The following MEP1B variants were observed in gnomAD, a reference collection of about 807,000 sequenced individuals.
MEP1B encodes the protein N-benzoyl-L-tyrosyl-P-amino-benzoic acid hydrolase subunit beta.
MEP1B carries 80 observed loss-of-function variants against 84.6 expected under a neutral mutation model. The observed-to-expected ratio is 0.95, with a 90% CI of 0.79 to 1.14. MEP1B has a LOEUF of 1.14. Among genes scored for constraint, MEP1B ranks in the 50% most tolerant of loss-of-function variants. The pLI is 0.00. For synonymous variants in MEP1B, 273 were observed against 288.1 expected (o/e 0.95, Z 0.53); for missense variants, 766 against 855.1 (o/e 0.90, Z 1.30).
chr18:32,207,979 T>C, intron 8 of MEP1B, 140 bp from the exon 9 acceptor site: 1 of 804,564 alleles, frequency 1.2e-6, no homozygotes, highest in Non-Finnish European at 2.0e-6. Flanking sequence ...AGAGGGATCT[T>C]TAAGCCACCA....
At chr18:32,193,314 TG>T (rs778370331) in intron 4 of MEP1B, among the ~76,000 whole-genome samples, 9 of 152,206 alleles carry the variant, frequency 5.9e-5, no homozygotes, top group Non-Finnish European at 1.3e-4. Context: ...TAAGTCATCA[TG>T]CCACACAGAT....
Position 32,196,409 on chromosome 18 carries a change from C to A in MEP1B, c.250+924C>A. On this transcript the variant is annotated intron_variant, in intron 5 of 14. Coordinates refer to ENST00000269202, the MANE Select transcript of MEP1B (RefSeq NM_005925.3). The surrounding 1 kb of genome is among the most constrained non-coding windows in gnomAD (Gnocchi z 4.4). ...GAGCTCTCCTTGGTCTTCTCCTGGT[C>A]CTCGCCCAGCTGGGTCTTACAGAGG... is the stretch of plus-strand genomic sequence containing the variant. 1.4e-6 allele frequency: 1 copy of A among 696,618 alleles called. No homozygotes were observed. 43.2% of individuals were successfully genotyped at this position (696,618 alleles called of 1,614,324 possible). A position where few individuals can be genotyped will look rare whatever the true frequency, so the allele number is the denominator to read the frequency against.
chr18:32,195,032 G>A (rs375462982), intron 4 of MEP1B, among the ~76,000 whole-genome samples: 4 of 152,256 alleles, frequency 2.6e-5, no homozygotes, highest in African/African-American at 7.2e-5. Context: ...GCTCATGTGT[G>A]ACTTTTTCTG....
chr18:32,190,213 T>G, intron 1 of MEP1B, 80 bp downstream of exon 1: 1 of 1,032,044 alleles, frequency 9.7e-7, no homozygotes, highest in South Asian at 1.5e-5. Flanking sequence ...GTGTTTTTTT[T>G]TTGTTTGTTT....
chr18:32,210,496 A>G lies in MEP1B; in HGVS notation c.920-5A>G, dbSNP rs866564359. The G allele has an allele frequency of 1.2e-6, 2 of 1,612,284 alleles. No individual in the cohort carries two copies. On this transcript the variant is annotated splice_polypyrimidine_tract_variant and splice_region_variant and intron_variant, in intron 9 of 14. Transcript: ENST00000269202. Reference sequence around the variant, plus strand: ...TTTTCTCTCAATTCTGCTTTTCTTTAACAGGTTCTGGTTTCTTCATGCATT... The same window carrying G: ...TTTTCTCTCAATTCTGCTTTTCTTTGACAGGTTCTGGTTTCTTCATGCATT...
At chr18:32,214,111 A>G (rs2041058870) in intron 11 of MEP1B, among the ~76,000 whole-genome samples, 1 of 152,160 alleles carries the variant, frequency 6.6e-6, no homozygotes, top group East Asian at 1.9e-4. Flanking sequence ...AGCGTTTGAA[A>G]TGGGGGTAGT....
chr18:32,199,901 C>A (rs932529428), intron 5 of MEP1B, among the ~76,000 whole-genome samples: 2 of 152,132 alleles, frequency 1.3e-5, no homozygotes, highest in Non-Finnish European at 2.9e-5. Context: ...CTCGGCCTCC[C>A]GAAGTGTTGG....
intron 12 of MEP1B, among the ~76,000 whole-genome samples, chr18:32,215,907 T>A (rs1322909678): frequency 3.6e-5 from 5 of 139,622 alleles, no homozygotes; most frequent in Admixed American, 1.5e-4. Flanking sequence ...CACATGAAAT[T>A]AAATGACTGG....
At chr18:32,209,898 A>C (rs1365336323) in intron 9 of MEP1B, among the ~76,000 whole-genome samples, 1 of 152,108 alleles carries the variant, frequency 6.6e-6, no homozygotes, top group African/African-American at 2.4e-5. Context: ...TCACCTTTCC[A>C]GAAAGACCTA....
At chr18:32,216,922 G>A (rs146727791) in intron 12 of MEP1B, 69 bp from the exon 13 acceptor site, 2 of 1,456,218 alleles carry the variant, frequency 1.4e-6, no homozygotes, top group East Asian at 2.3e-5. Flanking sequence ...AAAAGAAAAT[G>A]AAAATTAAAG....
chr18:32,196,794 C>G lies in MEP1B; in HGVS notation c.250+1309C>G, dbSNP rs2040860354. 1 of 653,770 alleles carries G rather than the reference C, an allele frequency of 1.5e-6. No homozygotes were observed. The highest frequency in any genetic ancestry group is 2.8e-5 in the East Asian group (1 of 35,942). 40.5% of individuals were successfully genotyped at this position (653,770 alleles called of 1,614,324 possible). ...CTGGATGGTGTTGGGGTGCTCGATG[C>G]CCATCACCCGCACGCTCATCAGCAC... On this transcript the variant is annotated intron_variant, in intron 5 of 14. Coordinates refer to ENST00000269202, the MANE Select transcript of MEP1B (RefSeq NM_005925.3). The surrounding 1 kb of genome is among the most constrained non-coding windows in gnomAD (Gnocchi z 4.4).
chr18:32,213,096 T>C lies in MEP1B; in HGVS notation c.1136-20T>C, dbSNP rs753603872. The C allele has an allele frequency of 6.2e-7, 1 of 1,602,330 alleles. No homozygotes were observed. The highest frequency in any genetic ancestry group is 1.1e-5 in the South Asian group (1 of 90,446). On this transcript the variant is annotated intron_variant, in intron 10 of 14. Transcript: ENST00000269202. ...GATTTGAACTTCTTTGTCTTTGAAA[T>C]AATAATGACTCTTTTGCAGAAATAC... is the stretch of plus-strand genomic sequence containing the variant.
In MEP1B at chr18:32,217,046, A is replaced by T. The variant is rs771080194; in HGVS notation, c.1815A>T (p.Gln605His). The change falls in exon 13 of 15, where the codon CAA (glutamine) becomes CAT (histidine). Residue 605 changes from glutamine to histidine, a missense_variant. Transcript: ENST00000269202. The part of the protein sequence containing the change: ...QIQLTPAPSV[Q>H]DLCSKTTCKN... ...AGCTAACACCAGCCCCTAGTGTTCA[A>T]GACCTCTGCTCAAAAACCACCTGTA... 6.2e-7 allele frequency: 1 copy of T among 1,613,964 alleles called. No homozygotes were observed. The highest frequency in any genetic ancestry group is 8.5e-7 in the Non-Finnish European group (1 of 1,179,846).
intron 5 of MEP1B, among the ~76,000 whole-genome samples, chr18:32,200,988 TCTATAACGCAAGGTTAA>T (rs888191635): frequency 7.2e-5 from 11 of 152,172 alleles, no homozygotes; most frequent in Non-Finnish European, 1.6e-4. Flanking sequence ...GCTTTCTGCA[TCTATAACGCAAGGTTAA>T]CTAAGGCCCT....
In MEP1B at chr18:32,196,323, G is replaced by C. The variant is rs1042864635; in HGVS notation, c.250+838G>C. 1.4e-6 allele frequency: 1 copy of C among 704,466 alleles called. No individual in the cohort carries two copies. Among genetic ancestry groups the C allele is most frequent in the East Asian group, 2.7e-5 (1 of 37,038 alleles). 43.6% of individuals were successfully genotyped at this position (704,466 alleles called of 1,614,324 possible). A position where few individuals can be genotyped will look rare whatever the true frequency, so the allele number is the denominator to read the frequency against. On this transcript the variant is annotated intron_variant, in intron 5 of 14. Transcript: ENST00000269202. This position sits in a 1 kb window ranked among gnomAD's most constrained non-coding sequence, Gnocchi z 4.4. ...TGTTGTTGCTGGAGCCGTTGCGGTA[G>C]ATCTCATGCATGGCGCGCCGCAGGG...
chr18:32,217,205 G>C (rs769044162), intron 13 of MEP1B, 88 bp downstream of exon 13: 23 of 1,417,366 alleles, frequency 1.6e-5, no homozygotes, highest in Non-Finnish European at 2.1e-5. Flanking sequence ...TAGTTCTTAT[G>C]AATGAAATCA....
intron 4 of MEP1B, among the ~76,000 whole-genome samples, chr18:32,194,478 G>C (rs2040833061): frequency 6.6e-6 from 1 of 151,986 alleles, no homozygotes; most frequent in Admixed American, 6.6e-5. Context: ...CTTAGCTCCT[G>C]CTTCTGTCCT....
rs369961041 is a variant in MEP1B, at chr18:32,192,666, C to G, written c.103C>G (p.Gln35Glu). Residue 35 changes from glutamine to glutamate, a missense_variant, in exon 3 of 15, where the codon CAG becomes GAG. Physicochemically the swap from Gln to Glu is conservative, Grantham distance 29. Coordinates refer to ENST00000269202, the MANE Select transcript of MEP1B (RefSeq NM_005925.3). ...ENFDVDGGMD[Q>E]DIFDINEGLG... is the part of the protein sequence containing the mutation. ...CAAAGATGTAGATGGCGGAATGGAC[C>G]AGGACATATTTGATATCAATGAAGG... 5.0e-6 allele frequency: 8 copies of G among 1,612,908 alleles called. No individual in the cohort carries two copies. Among genetic ancestry groups the G allele is most frequent in the Non-Finnish European group, 8.5e-7 (1 of 1,179,352 alleles).
At chr18:32,215,729 C>A (rs550397219) in intron 12 of MEP1B, among the ~76,000 whole-genome samples, 280 of 152,178 alleles carry the variant, frequency 1.8e-3, no homozygotes, top group African/African-American at 6.4e-3. Context: ...GAGGCTGAGG[C>A]AGGAGAATGG....
Sources: allele counts gnomAD v4.1 joint callset (sites outside exome capture counted in the v4.1 genomes callset), GRCh38; gene constraint gnomAD v4.1.1; non-coding constraint Gnocchi (gnomAD v3.1); transcripts MANE v1.5; gene names NCBI Gene and HGNC (gene_info 2026-07-23, HGNC 2026-07-21).